Variants in MRPL37 observed in about 807,000 individuals in gnomAD.
MRPL37 encodes the protein mitochondrial ribosomal protein L37, also known as large ribosomal subunit protein mL37.
In MRPL37, 34 loss-of-function variants were observed where a neutral mutation model predicts 44.1. The ratio of observed to expected loss-of-function variants is 0.77; its 90% CI spans 0.59 to 1.03. The LOEUF (loss-of-function observed/expected upper bound fraction) is 1.03. MRPL37 is among the 50% of genes least tolerant of loss of function. MRPL37 has a pLI of 0.00. For synonymous variants in MRPL37, 212 were observed against 219.5 expected, an observed-to-expected ratio of 0.97 and a Z score of 0.30; for missense variants, 532 against 543.7, an observed-to-expected ratio of 0.98 and a Z score of 0.21.
At chr1:54,225,024 AC>A (rs1557430081), downstream of MRPL37, 1 of 1,165,316 alleles carries the variant, frequency 8.6e-7, no homozygotes, top group Non-Finnish European at 1.1e-6. Context: ...AGCCAGTCCC[AC>A]CCGAGGGGAG....
In MRPL37 at chr1:54,200,283, G is replaced by T; in HGVS notation, c.40G>T (p.Gly14Cys). ...ASGPARRALA[G>C]SGQLGLGGFG... ...CGGGCCCGCAAGGCGGGCGCTAGCT[G>T]GCTCCGGGCAGCTCGGCCTTGGGGG... is the stretch of plus-strand genomic sequence containing the variant. Residue 14 changes from glycine (G) to cysteine (C), a missense_variant, in exon 1 of 7, where the codon GGC (glycine) becomes TGC (cysteine). Gly to Cys is a radical substitution (Grantham distance 159). Coordinates refer to ENST00000360840, the MANE Select transcript of MRPL37 (RefSeq NM_016491.4). 1 of 1,605,172 alleles carries T rather than the reference G, an allele frequency of 6.2e-7. No homozygotes were observed.
At chr1:54,210,730 T>C (rs369098081) in intron 4 of MRPL37, among the ~76,000 whole-genome samples, 3 of 152,190 alleles carry the variant, frequency 2.0e-5, no homozygotes, top group African/African-American at 7.2e-5. Context: ...TTCATTGTCA[T>C]AGCCACAACC....
intron 5 of MRPL37, among the ~76,000 whole-genome samples, chr1:54,215,088 G>A (rs1644188651): frequency 6.6e-6 from 1 of 152,184 alleles, no homozygotes; most frequent in South Asian, 2.1e-4. Context: ...GTGAGTAGCA[G>A]TCACCAAACT....
chr1:54,218,482 AC>A, downstream of MRPL37: 2 of 1,025,146 alleles, frequency 2.0e-6, no homozygotes, highest in Non-Finnish European at 2.7e-6. Flanking sequence ...TCTGCCCTTG[AC>A]CCATGTTGTG....
chr1:54,200,374 C>G lies in MRPL37; in HGVS notation c.131C>G (p.Pro44Arg). Residue 44 changes from proline (P) to arginine (R), a missense_variant, in exon 1 of 7, where the codon CCT becomes CGT. Transcript: ENST00000360840. ...CGCTCCACGCGGAAGTCGGAGCCTC[C>G]TCCCCTGGATAGGGTGTACGAGATC... ...GVRSTRKSEP[P>R]PLDRVYEIPG... The G allele has an allele frequency of 6.2e-7, 1 of 1,614,196 alleles. No homozygotes were observed.
rs777894099 is a variant in MRPL37, at chr1:54,200,429, G to T, written c.186G>T (p.Gly62=). ...IPGLEPITFA[G]KMHFVPWLAR... The stretch of plus-strand genomic sequence containing the variant: ...GACTGGAGCCCATCACCTTTGCGGG[G>T]AAGATGCACTTCGTGCCCTGGCTGG... Residue 62 remains glycine (G), a synonymous_variant, in exon 1 of 7, where the codon GGG becomes GGT. Transcript: ENST00000360840. 1 of 1,614,252 alleles carries T rather than the reference G, an allele frequency of 6.2e-7. No individual in the cohort carries two copies. The highest frequency in any genetic ancestry group is 8.5e-7 in the Non-Finnish European group (1 of 1,180,050).
rs1259830433 is a variant in MRPL37 at position 54,200,378 on chromosome 1, C to T, written c.135C>T (p.Pro45=). The change falls in exon 1 of 7, where the codon CCC becomes CCT. Residue 45 remains proline (P), a synonymous_variant. Coordinates refer to ENST00000360840, the MANE Select transcript of MRPL37 (RefSeq NM_016491.4). ...CCACGCGGAAGTCGGAGCCTCCTCC[C>T]CTGGATAGGGTGTACGAGATCCCTG... ...VRSTRKSEPP[P]LDRVYEIPGL... 3 of 1,614,094 alleles carry T rather than the reference C, an allele frequency of 1.9e-6. No homozygotes were observed. Among genetic ancestry groups the T allele is most frequent in the Non-Finnish European group, 2.5e-6 (3 of 1,180,032 alleles).
In MRPL37 at chr1:54,205,029, G is replaced by C. The variant is rs770537499; in HGVS notation, c.358G>C (p.Ala120Pro). 1.2e-6 allele frequency: 2 copies of C among 1,613,606 alleles called. No individual in the cohort carries two copies. The highest frequency in any genetic ancestry group is 1.7e-6 in the Non-Finnish European group (2 of 1,179,836). The change falls in exon 2 of 7, where the codon GCC becomes CCC. Residue 120 changes from alanine to proline, a missense_variant. By Grantham distance (27) the Ala-to-Pro change is conservative. Coordinates refer to ENST00000360840, the MANE Select transcript of MRPL37 (RefSeq NM_016491.4). ...TAATTACCTCAAAGGTGTAAAGCAG[G>C]CCCTCTGGCTCACCAAGACCAAGTT... is the stretch of plus-strand genomic sequence containing the variant. ...RCRLLEGVKQ[A>P]LWLTKTKLIE... is the part of the protein sequence containing the mutation.
At chr1:54,216,539 C>T (rs960869814) in intron 6 of MRPL37, among the ~76,000 whole-genome samples, 195 bp downstream of exon 6, 1 of 152,184 alleles carries the variant, frequency 6.6e-6, no homozygotes, top group Admixed American at 6.5e-5. Flanking sequence ...CACTCCAGCT[C>T]CTGCTTCCCT....
At chr1:54,219,770 A>G (rs1644220760), downstream of MRPL37, among the ~76,000 whole-genome samples, 1 of 152,246 alleles carries the variant, frequency 6.6e-6, no homozygotes, top group Non-Finnish European at 1.5e-5. Flanking sequence ...ATGTGTATGT[A>G]TCATAACAAC....
At position 54,205,394 on chromosome 1, in the gene MRPL37, T is replaced by C. The variant is rs1467869914; in HGVS notation, c.630T>C (p.Ser210=). 1 of 1,613,804 alleles carries C rather than the reference T, an allele frequency of 6.2e-7. No homozygotes were observed. The highest frequency in any genetic ancestry group is 1.3e-5 in the African/African-American group (1 of 74,902). The change falls in exon 3 of 7, where the codon TCT becomes TCC. Residue 210 remains serine (S), a synonymous_variant. Coordinates refer to ENST00000360840, the MANE Select transcript of MRPL37 (RefSeq NM_016491.4). ...TCTGTGTCCAAAACTCCACGTTTTC[T>C]GCTACCTGGAACCGAGGTTGGTCAT... The part of the protein sequence containing the change: ...RRICVQNSTF[S]ATWNRESLLL...
At chr1:54,210,666 C>T (rs1644157495) in intron 4 of MRPL37, among the ~76,000 whole-genome samples, 1 of 152,202 alleles carries the variant, frequency 6.6e-6, no homozygotes, top group Admixed American at 6.5e-5. Flanking sequence ...CTGGCCCCCA[C>T]TTCCTGCCAT....
At chr1:54,216,468 G>A (rs989492078) in intron 6 of MRPL37, 124 bp downstream of exon 6, 22 of 1,135,152 alleles carry the variant, frequency 1.9e-5, no homozygotes, top group East Asian at 1.3e-4. Context: ...CTTCCCACCC[G>A]GGATCTCTGC....
intron 4 of MRPL37, among the ~76,000 whole-genome samples, chr1:54,211,973 G>A (rs1347216303): frequency 6.6e-6 from 1 of 152,206 alleles, no homozygotes; most frequent in East Asian, 1.9e-4. Flanking sequence ...AGTGTTGTGT[G>A]GGTCAGTTGT....
chr1:54,209,663 G>A (rs192201497), intron 3 of MRPL37, among the ~76,000 whole-genome samples: 32 of 152,002 alleles, frequency 2.1e-4, no homozygotes, highest in South Asian at 1.2e-3. Context: ...GTTTCACCGC[G>A]TTAGCCAGGA....
intron 1 of MRPL37, 33 bp downstream of exon 1, chr1:54,200,622 G>A: frequency 6.4e-7 from 1 of 1,564,832 alleles, no homozygotes; most frequent in Admixed American, 1.8e-5. Context: ...AAGGGACCGT[G>A]TTCCTCTAAC....
At chr1:54,215,871 G>A (rs35774005) in intron 5 of MRPL37, among the ~76,000 whole-genome samples, 1,888 of 152,212 alleles carry the variant, frequency 0.012, 39 homozygotes, top group African/African-American at 0.043. Context: ...CCTGGAAATC[G>A]CCTCTCAGTG....
At chr1:54,224,738 A>C (rs889224961), downstream of MRPL37, among the ~76,000 whole-genome samples, 3 of 152,088 alleles carry the variant, frequency 2.0e-5, no homozygotes, top group African/African-American at 7.2e-5. Context: ...TAGTCGTGCA[A>C]GTCAGCATCC....
chr1:54,207,785 A>G (rs931612541), intron 3 of MRPL37, among the ~76,000 whole-genome samples: 10 of 152,198 alleles, frequency 6.6e-5, no homozygotes, highest in African/African-American at 2.2e-4. Context: ...ATCAGAGTTT[A>G]TCCACCCCCA....
Sources: allele counts gnomAD v4.1 joint callset (sites outside exome capture counted in the v4.1 genomes callset), GRCh38; gene constraint gnomAD v4.1.1; transcripts MANE v1.5; gene names NCBI Gene and HGNC (gene_info 2026-07-23, HGNC 2026-07-21).